The following ZNF469 variants were observed in gnomAD, a reference collection of about 807,000 sequenced individuals.
The protein encoded by ZNF469 is zinc finger protein 469.
In ZNF469, 1 loss-of-function variant was observed where a neutral mutation model predicts 1.0. The observed-to-expected ratio is 1.00, with a 90% CI of 0.35 to 4.73. ZNF469 has a LOEUF of 4.73. Ranked by LOEUF, ZNF469 falls within the 30% of genes most tolerant of loss-of-function variation. ZNF469 has a pLI of 0.16. For missense variants in ZNF469, 6,100 were observed against 5,356.3 expected (o/e 1.14, Z -4.33); for synonymous variants, 2,703 against 2,363.4 (o/e 1.14, Z -4.17).
the ZNF469 span, among the ~76,000 whole-genome samples, chr16:88,256,852 C>A: frequency 6.6e-6 from 1 of 150,540 alleles, no homozygotes; most frequent in Admixed American, 6.7e-5. Context: ...TCCTTTCTTC[C>A]TTCCTTTTTC....
At chr16:88,154,700 C>T in the ZNF469 span, among the ~76,000 whole-genome samples, 8 of 152,184 alleles carry the variant, frequency 5.3e-5, no homozygotes, top group South Asian at 2.1e-4. Context: ...CTGCATGGGG[C>T]GGATTCTGTT....
intron 1 of ZNF469, among the ~76,000 whole-genome samples, chr16:88,402,056 A>C (rs541329948): frequency 1.0e-4 from 15 of 143,826 alleles, no homozygotes; most frequent in Admixed American, 6.2e-4. Flanking sequence ...GAGTGCATGG[A>C]TGGATGGATG....
Position 88,433,075 on chromosome 16 carries a change from C to G in ZNF469, c.5605C>G (p.Arg1869Gly). The change falls in exon 3 of 3, where the codon CGG (arginine) becomes GGG (glycine). Residue 1869 changes from arginine (R) to glycine (G), a missense_variant. Physicochemically the swap from Arg to Gly is moderately radical, Grantham distance 125. Transcript: ENST00000565624. ...GGGGGCCTCCTCACTGACTGCCCCC[C>G]GGGGCAGGGAGGCTTGGTTGGTCCC... ...PAGASSLTAP[R>G]GREAWLVPVP... is the part of the protein sequence containing the mutation. 5 of 1,550,304 alleles carry G rather than the reference C, an allele frequency of 3.2e-6. No individual in the cohort carries two copies. The highest frequency in any genetic ancestry group is 4.4e-6 in the Non-Finnish European group (5 of 1,146,964).
At chr16:88,220,340 G>T in the ZNF469 span, among the ~76,000 whole-genome samples, 2 of 152,200 alleles carry the variant, frequency 1.3e-5, no homozygotes, top group Non-Finnish European at 2.9e-5. Context: ...AAAACCTGGA[G>T]AATTGTTTGT....
At chr16:88,363,328 T>G in the ZNF469 span, among the ~76,000 whole-genome samples, 1 of 152,256 alleles carries the variant, frequency 6.6e-6, no homozygotes, top group African/African-American at 2.4e-5. Flanking sequence ...GTGACATATT[T>G]TAGAACCTTT....
chr16:88,375,447 C>T, the ZNF469 span, among the ~76,000 whole-genome samples: 447 of 152,344 alleles, frequency 2.9e-3, 4 homozygotes, highest in African/African-American at 0.01. Flanking sequence ...GTTACCAGAA[C>T]GAAATACATT....
At chr16:88,205,959 G>C in the ZNF469 span, among the ~76,000 whole-genome samples, 1 of 152,120 alleles carries the variant, frequency 6.6e-6, no homozygotes, top group East Asian at 1.9e-4. This position sits in a 1 kb window ranked among gnomAD's most constrained non-coding sequence, Gnocchi z 4.2. Flanking sequence ...CAGAGGAAGG[G>C]GGGGGCCCAG....
the ZNF469 span, among the ~76,000 whole-genome samples, chr16:88,343,042 AC>A: frequency 1.3e-5 from 2 of 152,152 alleles, no homozygotes; most frequent in Non-Finnish European, 2.9e-5. Flanking sequence ...CAGATAGCAC[AC>A]GGGGACTGAG....
chr16:88,417,632 G>C (rs1301509785), intron 1 of ZNF469, among the ~76,000 whole-genome samples: 1 of 152,224 alleles, frequency 6.6e-6, no homozygotes, highest in Non-Finnish European at 1.5e-5. Context: ...GGGCAGGGGA[G>C]AAGGACCCTC....
chr16:88,137,652 C>A, the ZNF469 span, among the ~76,000 whole-genome samples: 6 of 152,198 alleles, frequency 3.9e-5, no homozygotes, highest in African/African-American at 7.2e-5. Context: ...TGTATGCATA[C>A]CACCATGTGT....
chr16:88,132,594 C>G, the ZNF469 span, among the ~76,000 whole-genome samples: 1 of 152,266 alleles, frequency 6.6e-6, no homozygotes, highest in African/African-American at 2.4e-5. Context: ...GTCAGGAAAA[C>G]ATTTTCAGAA....
the ZNF469 span, among the ~76,000 whole-genome samples, chr16:88,239,662 TTTTTGTA>T: frequency 1.0e-5 from 1 of 95,422 alleles, no homozygotes; most frequent in African/African-American, 3.8e-5. Context: ...TTATTTTTTT[TTTTTGTA>T]TATATATATA....
the ZNF469 span, among the ~76,000 whole-genome samples, chr16:88,141,519 C>T: frequency 2.1e-5 from 3 of 142,158 alleles, no homozygotes; most frequent in Admixed American, 7.0e-5. Flanking sequence ...TCCTGGTCCC[C>T]GGAGCCTGCT....
the ZNF469 span, among the ~76,000 whole-genome samples, chr16:88,343,121 G>A: frequency 2.6e-5 from 4 of 152,182 alleles, no homozygotes; most frequent in Non-Finnish European, 5.9e-5. Flanking sequence ...TAGCACATGG[G>A]GACTGAGAAG....
the ZNF469 span, among the ~76,000 whole-genome samples, chr16:88,136,957 C>T: frequency 6.6e-6 from 1 of 152,210 alleles, no homozygotes; most frequent in Non-Finnish European, 1.5e-5. Flanking sequence ...GGCAGACATG[C>T]ATGTATGTAA....
the ZNF469 span, among the ~76,000 whole-genome samples, chr16:88,262,429 G>A: frequency 1.3e-5 from 2 of 152,178 alleles, no homozygotes; most frequent in African/African-American, 2.4e-5. The surrounding 1 kb of genome is among the most constrained non-coding windows in gnomAD (Gnocchi z 4.3). Flanking sequence ...GCTGGGCTTT[G>A]GTGGATGGGG....
chr16:88,140,393 A>G, the ZNF469 span, among the ~76,000 whole-genome samples: 3 of 149,064 alleles, frequency 2.0e-5, no homozygotes, highest in African/African-American at 7.6e-5. Context: ...GGAGGAAAGG[A>G]GGACGGAGCC....
At chr16:88,188,566 G>A in the ZNF469 span, among the ~76,000 whole-genome samples, 1 of 152,142 alleles carries the variant, frequency 6.6e-6, no homozygotes, top group African/African-American at 2.4e-5. Context: ...CTGAATCTCT[G>A]GGAGTCCTGT....
chr16:88,229,677 G>A, the ZNF469 span, among the ~76,000 whole-genome samples: 1 of 151,426 alleles, frequency 6.6e-6, no homozygotes, highest in African/African-American at 2.4e-5. Flanking sequence ...TCGCGTGTGT[G>A]CTGATGCCAT....
Sources: gnomAD v4.1 joint callset for allele counts (sites outside exome capture counted in the v4.1 genomes callset) on GRCh38, gnomAD v4.1.1 for gene constraint, Gnocchi (gnomAD v3.1) non-coding constraint, MANE v1.5 for transcripts, NCBI Gene and HGNC (gene_info 2026-07-23, HGNC 2026-07-21) for gene names.